The following GRID2 variants were observed in gnomAD, a reference collection of about 807,000 sequenced individuals.
The protein encoded by GRID2 is glutamate ionotropic receptor delta type subunit 2.
Under a neutral mutation model 114.8 loss-of-function variants are expected in GRID2, and 33 were observed. The observed-to-expected ratio is 0.29, with a 90% confidence interval of 0.22 to 0.38. The LOEUF is 0.38. Among genes scored for constraint, GRID2 ranks in the 10% least tolerant of loss-of-function variants. GRID2 has a pLI of 1.00. For synonymous variants in GRID2, 505 were observed against 449.9 expected, an observed-to-expected ratio of 1.12 and a Z score of -1.55; for missense variants, 1,184 against 1,257.7, an observed-to-expected ratio of 0.94 and a Z score of 0.89.
chr4:93,692,018 T>C (rs898834446), intron 14 of GRID2, among the ~76,000 whole-genome samples: 4 of 152,034 alleles, frequency 2.6e-5, no homozygotes, highest in Admixed American at 2.0e-4. Flanking sequence ...AGTATTGTTC[T>C]AGGAATCATG....
At chr4:93,386,107 G>A (rs10012783) in intron 8 of GRID2, among the ~76,000 whole-genome samples, 29,790 of 151,986 alleles carry the variant, frequency 0.2, 5,654 homozygotes, top group African/African-American at 0.5. Context: ...AGAAGTGAGC[G>A]CTCAAAACTA....
intron 1 of GRID2, among the ~76,000 whole-genome samples, chr4:92,328,215 G>A (rs1387452109): frequency 2.0e-5 from 3 of 152,018 alleles, no homozygotes; most frequent in African/African-American, 7.2e-5. Flanking sequence ...GATAAGGACT[G>A]CATCTTATGC....
chr4:93,734,075 T>C (rs1388948382), intron 14 of GRID2, among the ~76,000 whole-genome samples: 1 of 152,072 alleles, frequency 6.6e-6, no homozygotes, highest in Non-Finnish European at 1.5e-5. Flanking sequence ...TTTCTGCTGG[T>C]AAACTGGGCA....
At chr4:92,586,432 T>G (rs773124968) in intron 1 of GRID2, among the ~76,000 whole-genome samples, 41 of 151,668 alleles carry the variant, frequency 2.7e-4, no homozygotes, top group Non-Finnish European at 5.0e-4. Flanking sequence ...TCTATTAGGT[T>G]AAAAGAAGAA....
intron 1 of GRID2, among the ~76,000 whole-genome samples, chr4:92,384,106 C>G (rs1729750497): frequency 6.6e-6 from 1 of 151,136 alleles, no homozygotes; most frequent in African/African-American, 2.4e-5. Flanking sequence ...AAGAAATATT[C>G]TAATTTGGCA....
At chr4:92,336,760 A>G (rs758189938) in intron 1 of GRID2, among the ~76,000 whole-genome samples, 1 of 151,424 alleles carries the variant, frequency 6.6e-6, no homozygotes, top group Non-Finnish European at 1.5e-5. Flanking sequence ...AACCATTGCT[A>G]CTCTTATCTT....
intron 1 of GRID2, among the ~76,000 whole-genome samples, chr4:92,325,544 A>G (rs1381908936): frequency 6.6e-6 from 1 of 151,898 alleles, no homozygotes; most frequent in Admixed American, 6.6e-5. Flanking sequence ...AATTATGTCA[A>G]GTGAAGAAAA....
chr4:93,289,025 CA>C (rs904798240), intron 8 of GRID2, among the ~76,000 whole-genome samples: 30 of 152,192 alleles, frequency 2.0e-4, no homozygotes, highest in African/African-American at 7.2e-4. Flanking sequence ...CTTATTTTGC[CA>C]AAAGGCTGTA....
intron 1 of GRID2, among the ~76,000 whole-genome samples, chr4:92,338,043 C>T (rs1200460886): frequency 6.6e-6 from 1 of 151,980 alleles, no homozygotes; most frequent in Non-Finnish European, 1.5e-5. Context: ...CCAACAGTAT[C>T]TGGTACAAAA....
intron 2 of GRID2, among the ~76,000 whole-genome samples, chr4:92,689,415 T>C (rs922539711): frequency 2.0e-5 from 3 of 152,296 alleles, no homozygotes; most frequent in Admixed American, 6.5e-5. Flanking sequence ...CTTAGCTAGC[T>C]CTTCTAAATC....
chr4:92,997,027 C>T (rs1755243629), intron 2 of GRID2, among the ~76,000 whole-genome samples: 1 of 152,206 alleles, frequency 6.6e-6, no homozygotes, highest in African/African-American at 2.4e-5. Flanking sequence ...TAGGTACCAA[C>T]TGCTGTCTTG....
intron 2 of GRID2, among the ~76,000 whole-genome samples, chr4:92,982,959 A>G (rs1441160931): frequency 6.6e-6 from 1 of 152,074 alleles, no homozygotes; most frequent in Non-Finnish European, 1.5e-5. Context: ...GGAAGCATGT[A>G]TTATTGCCAA....
At chr4:92,968,586 A>G (rs1753302659) in intron 2 of GRID2, among the ~76,000 whole-genome samples, 1 of 151,898 alleles carries the variant, frequency 6.6e-6, no homozygotes, top group Non-Finnish European at 1.5e-5. Flanking sequence ...TTATTCCTTA[A>G]TTTATGGAGG....
chr4:92,895,384 C>T (rs867390583), intron 2 of GRID2, among the ~76,000 whole-genome samples: 4 of 108,154 alleles, frequency 3.7e-5, no homozygotes, highest in African/African-American at 1.5e-4. Flanking sequence ...ATGTAGAAAA[C>T]ATATATATAT....
At chr4:92,327,215 T>C (rs944402859) in intron 1 of GRID2, among the ~76,000 whole-genome samples, 1 of 152,044 alleles carries the variant, frequency 6.6e-6, no homozygotes, top group Non-Finnish European at 1.5e-5. Context: ...AAATCACTAA[T>C]AGGCTCAGTG....
At chr4:93,063,414 T>C (rs1285594908) in intron 2 of GRID2, among the ~76,000 whole-genome samples, 1 of 151,822 alleles carries the variant, frequency 6.6e-6, no homozygotes, top group East Asian at 1.9e-4. Flanking sequence ...ACTTTAGGAG[T>C]ATTTACTCAG....
chr4:92,580,105 A>C (rs1196428160), intron 1 of GRID2, among the ~76,000 whole-genome samples: 1 of 150,320 alleles, frequency 6.7e-6, no homozygotes, highest in Non-Finnish European at 1.5e-5. Flanking sequence ...TGCAGCTAAT[A>C]AATACCTAGA....
chr4:92,666,665 T>G (rs1235349275), intron 2 of GRID2, among the ~76,000 whole-genome samples: 1 of 148,666 alleles, frequency 6.7e-6, no homozygotes, highest in Non-Finnish European at 1.5e-5. Context: ...TTTTTTTTTT[T>G]TTTTTCAGAT....
intron 4 of GRID2, among the ~76,000 whole-genome samples, chr4:93,191,383 C>A (rs983896081): frequency 6.6e-6 from 1 of 152,104 alleles, no homozygotes; most frequent in Admixed American, 6.5e-5. Context: ...TACCTAACTT[C>A]TAAAATGTTG....
Sources: allele counts gnomAD v4.1 joint callset (sites outside exome capture counted in the v4.1 genomes callset), GRCh38; gene constraint gnomAD v4.1.1; transcripts MANE v1.5; gene names NCBI Gene and HGNC (gene_info 2026-07-23, HGNC 2026-07-21).